The following KALRN variants were observed in gnomAD, a reference collection of about 807,000 sequenced individuals.
KALRN encodes the protein kalirin RhoGEF kinase, also known as kalirin.
A neutral mutation model predicts 353.7 loss-of-function variants in KALRN; 70 were observed. The ratio of observed to expected loss-of-function variants is 0.20; its 90% CI spans 0.16 to 0.24. The LOEUF is 0.24. Among genes scored for constraint, KALRN ranks in the 10% least tolerant of loss-of-function variants. The pLI, the probability that KALRN is intolerant of heterozygous loss-of-function variation, is 1.00. For missense variants in KALRN, 2,791 were observed against 3,756.7 expected, an observed-to-expected ratio of 0.74 and a Z score of 6.72; for synonymous variants, 1,391 against 1,434.8, an observed-to-expected ratio of 0.97 and a Z score of 0.69.
In KALRN at chr3:124,660,992, A is replaced by T. The variant is rs915374345; in HGVS notation, c.6267+19A>T. On this transcript the variant is annotated intron_variant, in intron 44 of 59. Coordinates refer to ENST00000682506, the MANE Select transcript of KALRN (RefSeq NM_001388419.1). ...TATTGAGGTGAGTTTTCTGCTTGTA[A>T]TGCTTGCTGTTCTTAGGGACCATAT... 7 of 1,569,870 alleles carry T rather than the reference A, an allele frequency of 4.5e-6. No individual in the cohort carries two copies. The highest frequency in any genetic ancestry group is 6.1e-6 in the Non-Finnish European group (7 of 1,140,250).
chr3:124,398,698 G>T lies in KALRN; in HGVS notation c.2173G>T (p.Asp725Tyr). 1 of 1,613,978 alleles carries T rather than the reference G, an allele frequency of 6.2e-7. No homozygotes were observed. The highest frequency in any genetic ancestry group is 8.5e-7 in the Non-Finnish European group (1 of 1,179,986). The stretch of plus-strand genomic sequence containing the variant: ...TTTTTTCTCCCCACTCTGCCACAGG[G>T]ACTCGGCTGTGTCCAACAACAAAAC... Reference protein sequence around the residue: ...PSLGEPSEARDSAVSNNKTPH... With the variant: ...PSLGEPSEARYSAVSNNKTPH... Residue 725 changes from aspartate to tyrosine, a missense_variant and splice_region_variant, in exon 13 of 60, where the codon GAC (aspartate) becomes TAC (tyrosine). By Grantham distance (160) the Asp-to-Tyr change is radical. Coordinates refer to ENST00000682506, the MANE Select transcript of KALRN (RefSeq NM_001388419.1).
intron 11 of KALRN, among the ~76,000 whole-genome samples, chr3:124,389,176 T>C (rs1479614310): frequency 2.6e-5 from 4 of 152,180 alleles, no homozygotes; most frequent in Non-Finnish European, 2.9e-5. Context: ...CCTATAATAA[T>C]TTGCAGAGTT....
chr3:124,325,573 CT>C (rs989720613), intron 6 of KALRN, among the ~76,000 whole-genome samples: 52 of 152,274 alleles, frequency 3.4e-4, no homozygotes, highest in African/African-American at 1.2e-3. Flanking sequence ...CAGCTCTCCC[CT>C]GAGCAAGAGA....
At chr3:124,718,489 G>A (rs1450084610) in intron 59 of KALRN, among the ~76,000 whole-genome samples, 1 of 152,156 alleles carries the variant, frequency 6.6e-6, no homozygotes, top group African/African-American at 2.4e-5. Flanking sequence ...ATGAATTAAT[G>A]AGAATATGCC....
chr3:124,510,233 A>G (rs1320749393), intron 33 of KALRN, among the ~76,000 whole-genome samples: 1 of 152,236 alleles, frequency 6.6e-6, no homozygotes, highest in East Asian at 1.9e-4. Flanking sequence ...GTTCCACGTT[A>G]GATTTTACTG....
chr3:124,514,412 A>G lies in KALRN; in HGVS notation c.4935+17999A>G, dbSNP rs114046600. 7.3e-3 allele frequency among the ~76,000 whole-genome samples: 1,117 copies of G among 152,300 alleles called. 14 individuals carry two copies. Among genetic ancestry groups the G allele is most frequent in the African/African-American group, 0.026 (1,062 of 41,560 alleles). On this transcript the variant is annotated intron_variant, in intron 33 of 59. Transcript: ENST00000682506. ...GGCCTTTCCCTAAGAAGTCACTGCT[A>G]TAATTGGGCAGGCAGAGAAAATCAC...
At chr3:124,154,340 A>G (rs1247338337) in intron 1 of KALRN, among the ~76,000 whole-genome samples, 2 of 152,202 alleles carry the variant, frequency 1.3e-5, no homozygotes, top group Non-Finnish European at 2.9e-5. Context: ...TGCAGATGAC[A>G]TGATTGTATA....
intron 10 of KALRN, among the ~76,000 whole-genome samples, chr3:124,363,231 C>G (rs910310800): frequency 6.6e-6 from 1 of 152,218 alleles, no homozygotes; most frequent in African/African-American, 2.4e-5. Context: ...TTTCTTCACT[C>G]TATGCCTCAC....
intron 3 of KALRN, among the ~76,000 whole-genome samples, chr3:124,248,999 T>C (rs1480540476): frequency 6.6e-6 from 1 of 152,212 alleles, no homozygotes; most frequent in East Asian, 1.9e-4. Context: ...TCACCCTCAT[T>C]GGCTGAAGAG....
intron 1 of KALRN, among the ~76,000 whole-genome samples, chr3:124,081,914 C>T (rs915776349): frequency 6.6e-6 from 1 of 152,158 alleles, no homozygotes; most frequent in Non-Finnish European, 1.5e-5. Context: ...AAGGACTTTC[C>T]CTGAGTCACA....
intron 15 of KALRN, among the ~76,000 whole-genome samples, chr3:124,424,211 C>T (rs2092915567): frequency 6.6e-6 from 1 of 152,098 alleles, no homozygotes; most frequent in Admixed American, 6.5e-5. Context: ...CCCTTTCTGC[C>T]CCACTCTACC....
intron 37 of KALRN, among the ~76,000 whole-genome samples, chr3:124,641,792 G>A (rs993138003): frequency 6.6e-6 from 1 of 152,200 alleles, no homozygotes; most frequent in Non-Finnish European, 1.5e-5. Flanking sequence ...TGGAAACTTA[G>A]TATTTGCCAG....
chr3:124,387,674 C>T (rs1423366685), intron 11 of KALRN, among the ~76,000 whole-genome samples: 1 of 152,108 alleles, frequency 6.6e-6, no homozygotes, highest in Admixed American at 6.5e-5. Flanking sequence ...CAGGAAATTG[C>T]ATAGTCTCTT....
chr3:124,435,273 G>A (rs1303605691), intron 17 of KALRN, among the ~76,000 whole-genome samples: 1 of 152,138 alleles, frequency 6.6e-6, no homozygotes, highest in African/African-American at 2.4e-5. Flanking sequence ...CATTCCTTGG[G>A]CCCCCAGTCT....
At chr3:124,416,256 C>T (rs1188779279) in intron 14 of KALRN, among the ~76,000 whole-genome samples, 2 of 152,200 alleles carry the variant, frequency 1.3e-5, no homozygotes, top group Admixed American at 6.5e-5. Context: ...GGCAAGCCAA[C>T]GTCTGTCCCA....
At chr3:124,707,595 A>T (rs1230446237) in intron 57 of KALRN, among the ~76,000 whole-genome samples, 1 of 152,196 alleles carries the variant, frequency 6.6e-6, no homozygotes, top group Non-Finnish European at 1.5e-5. Flanking sequence ...AACTCCAAGA[A>T]AACCCCACAT....
intron 10 of KALRN, among the ~76,000 whole-genome samples, chr3:124,372,931 ACAATTAGAG>A (rs990080864): frequency 2.4e-5 from 1 of 40,980 alleles, no homozygotes; most frequent in Admixed American, 2.5e-4. Flanking sequence ...ATGAGTGGCT[ACAATTAGAG>A]TCACCTGGGA....
At chr3:124,679,367 C>CT in intron 50 of KALRN, 91 bp from the exon 51 acceptor site, 4 of 1,113,174 alleles carry the variant, frequency 3.6e-6, no homozygotes, top group Non-Finnish European at 5.3e-6. Context: ...ATCGCCCATG[C>CT]TTCTCTGAAG....
chr3:124,539,211 G>GA (rs1315513441), intron 33 of KALRN, among the ~76,000 whole-genome samples: 4 of 152,132 alleles, frequency 2.6e-5, no homozygotes, highest in African/African-American at 9.7e-5. Context: ...GGTTTTAGAA[G>GA]AAAAAATCTA....
Sources: gnomAD v4.1 joint callset for allele counts (sites outside exome capture counted in the v4.1 genomes callset) on GRCh38, gnomAD v4.1.1 for gene constraint, MANE v1.5 for transcripts, NCBI Gene and HGNC (gene_info 2026-07-23, HGNC 2026-07-21) for gene names.